ATP1B4: variants seen among roughly 807,000 people sequenced by gnomAD.
ATP1B4 encodes protein ATP1B4.
Under a neutral mutation model 29.6 loss-of-function variants are expected in ATP1B4, and 32 were observed. The observed-to-expected ratio is 1.08, with a 90% confidence interval of 0.82 to 1.45. ATP1B4 has a LOEUF of 1.45. Among genes scored for constraint, ATP1B4 ranks in the 40% most tolerant of loss-of-function variants. The probability of loss-of-function intolerance (pLI) is 0.00; values close to 1 mark genes in which losing one functional copy is unlikely to be tolerated. For synonymous variants in ATP1B4, 127 were observed against 102.1 expected (o/e 1.24, Z -1.47); for missense variants, 323 against 276.2 (o/e 1.17, Z -1.20).
intron 5 of ATP1B4, among the ~76,000 whole-genome samples, chrX:120,376,043 G>A (rs916545942): frequency 5.4e-5 from 6 of 111,622 alleles, no homozygotes; most frequent in Admixed American, 2.9e-4. Flanking sequence ...TCATAAAAAT[G>A]CATTTTTCTT....
intron 4 of ATP1B4, among the ~76,000 whole-genome samples, chrX:120,371,690 A>T (rs1405878874): frequency 9.0e-6 from 1 of 111,702 alleles, no homozygotes; most frequent in Non-Finnish European, 1.9e-5. Flanking sequence ...TTTATTTGAG[A>T]TGGAGTCTCA....
rs201696616 is a variant in ATP1B4 at position 120,375,563 on chromosome X, A to G, written c.754A>G (p.Asn252Asp). ...ACAGCCCTGCATCCTTCTAAAGATGAACCGGGTATATTGGCTTTTCATATC... is the reference window on the plus strand; with the variant it reads ...ACAGCCCTGCATCCTTCTAAAGATGGACCGGGTATATTGGCTTTTCATATC... ...TGQPCILLKM[N>D]RIVGFRPELG... is the part of the protein sequence containing the mutation. The change falls in exon 5 of 8, where the codon AAC (asparagine) becomes GAC (aspartate). Residue 252 changes from asparagine to aspartate, a missense_variant. Physicochemically the swap from Asn to Asp is conservative, Grantham distance 23 (BLOSUM62 1). Coordinates refer to ENST00000218008, the MANE Select transcript of ATP1B4 (RefSeq NM_001142447.3). The G allele has an allele frequency of 5.7e-5, 68 of 1,202,009 alleles. No individual in the cohort carries two copies. The highest frequency in any genetic ancestry group is 7.4e-5 in the Non-Finnish European group (66 of 891,169).
chrX:120,382,361 A>G lies in ATP1B4; in HGVS notation c.*2727A>G, dbSNP rs966446920. The G allele has an allele frequency of 8.9e-6, 1 of 112,317 alleles. No homozygotes were observed. The highest frequency in any genetic ancestry group is 3.2e-5 in the African/African-American group (1 of 30,903). 9.3% of individuals were successfully genotyped at this position (112,317 alleles called of 1,213,427 possible). A position where few individuals can be genotyped will look rare whatever the true frequency, so the allele number is the denominator to read the frequency against. ...CTCAACCCATTTTCTTAACAAATTC[A>G]ATTTTCAAAACTAACCTTTAAAAAG... On this transcript the variant is annotated 3_prime_UTR_variant, in exon 8 of 8. Transcript: ENST00000218008.
rs755058410 is a variant in ATP1B4, at chrX:120,377,632, C to T, written c.817-1046C>T. Among the ~76,000 whole-genome samples, 11 of 112,307 alleles carry T rather than the reference C, an allele frequency of 9.8e-5. No homozygotes were observed. The East Asian group carries it at 3.0e-3, about 31-fold the overall frequency. On this transcript the variant is annotated intron_variant, in intron 6 of 7. Transcript: ENST00000218008. ...CTAATGGAAGCTGTTTGTTTTTCAG[C>T]TTACATCAAACCTTGCTAAGAACTG...
chrX:120,381,542 C>G lies in ATP1B4; in HGVS notation c.*1908C>G, dbSNP rs1271179804. 9.1e-6 allele frequency: 1 copy of G among 110,027 alleles called. No homozygotes were observed. The highest frequency in any genetic ancestry group is 3.3e-5 in the African/African-American group (1 of 30,051). The allele number at this position is 110,027 out of a possible 1,213,427, so 9.1% of individuals were successfully genotyped here. On this transcript the variant is annotated 3_prime_UTR_variant, in exon 8 of 8. Transcript: ENST00000218008. ...CTCGGCTCACTGCAACCTCCACCTC[C>G]CGGATTCAAGTGATTCTCCAGCCTC...
chrX:120,376,289 C>T (rs3213723), intron 5 of ATP1B4, 91 bp from the exon 6 acceptor site: 1 of 860,004 alleles, frequency 1.2e-6, no homozygotes, highest in Non-Finnish European at 1.7e-6. Flanking sequence ...CCTGAGGAAG[C>T]ATGACTGGGA....
At chrX:120,368,776 C>T (rs948113068) in intron 2 of ATP1B4, among the ~76,000 whole-genome samples, 2 of 111,620 alleles carry the variant, frequency 1.8e-5, no homozygotes, top group African/African-American at 6.5e-5. Flanking sequence ...GTTGGGAGCA[C>T]GGTTACTTAG....
At chrX:120,378,928 A>G (rs1343230240) in intron 7 of ATP1B4, among the ~76,000 whole-genome samples, 155 bp downstream of exon 7, 1 of 110,850 alleles carries the variant, frequency 9.0e-6, no homozygotes, top group Non-Finnish European at 1.9e-5. Context: ...TTCTTATCAC[A>G]ACCACACTCC....
At chrX:120,374,746 G>C (rs1436732158) in intron 4 of ATP1B4, among the ~76,000 whole-genome samples, 1 of 25,370 alleles carries the variant, frequency 3.9e-5, no homozygotes, top group Non-Finnish European at 6.3e-5. Context: ...TATATATAAG[G>C]GTGTATATAT....
intron 4 of ATP1B4, among the ~76,000 whole-genome samples, chrX:120,374,845 G>GTA (rs1293869441): frequency 2.0e-5 from 1 of 50,062 alleles, no homozygotes; most frequent in Non-Finnish European, 3.7e-5. Flanking sequence ...ATATATAAGG[G>GTA]TATATATATA....
chrX:120,379,092 G>A (rs1374254886), intron 7 of ATP1B4, among the ~76,000 whole-genome samples: 2 of 111,558 alleles, frequency 1.8e-5, no homozygotes, highest in East Asian at 5.6e-4. Context: ...CTACCAATGT[G>A]CTTAAACATG....
intron 6 of ATP1B4, 96 bp downstream of exon 6, chrX:120,376,532 A>G (rs2058357145): frequency 2.6e-6 from 2 of 766,521 alleles, no homozygotes; most frequent in Non-Finnish European, 4.0e-6. Flanking sequence ...ATGGTAGGCT[A>G]AGGAAAAGGT....
rs778538331 is a variant in ATP1B4, at chrX:120,380,116, C to G, written c.*482C>G. 1.8e-5 allele frequency: 2 copies of G among 111,497 alleles called. No homozygotes were observed. Among genetic ancestry groups the G allele is most frequent in the Non-Finnish European group, 3.7e-5 (2 of 53,564 alleles). 9.2% of individuals were successfully genotyped at this position (111,497 alleles called of 1,213,427 possible). A position where few individuals can be genotyped will look rare whatever the true frequency, so the allele number is the denominator to read the frequency against. ...GTGGTGGCATGCATCTGTAGTCCCA[C>G]CTATTCAGGAGATTAAGGCAGGAGG... is the stretch of plus-strand genomic sequence containing the variant. On this transcript the variant is annotated 3_prime_UTR_variant, in exon 8 of 8. Transcript: ENST00000218008.
intron 5 of ATP1B4, 131 bp downstream of exon 5, chrX:120,375,699 T>C (rs1281400991): frequency 2.0e-5 from 10 of 510,802 alleles, no homozygotes; most frequent in South Asian, 1.3e-4. Context: ...GTATCATAAA[T>C]ACAAATAACC....
chrX:120,378,025 A>C (rs1407242573), intron 6 of ATP1B4, among the ~76,000 whole-genome samples: 1 of 111,079 alleles, frequency 9.0e-6, no homozygotes, highest in African/African-American at 3.3e-5. Context: ...ATGAGTGTAG[A>C]TCTGTTTACT....
intron 2 of ATP1B4, among the ~76,000 whole-genome samples, chrX:120,368,591 A>G (rs755941946): frequency 2.7e-5 from 3 of 112,107 alleles, no homozygotes; most frequent in African/African-American, 9.7e-5. Context: ...TAACTTGCCT[A>G]TAGTCATATA....
chrX:120,371,816 G>A (rs192499955), intron 4 of ATP1B4, among the ~76,000 whole-genome samples: 2 of 111,817 alleles, frequency 1.8e-5, no homozygotes, highest in African/African-American at 3.3e-5. Context: ...CTACATGTGC[G>A]TGCCACCACG....
In ATP1B4 at chrX:120,366,789, A is replaced by C; in HGVS notation, c.328A>C (p.Ser110Arg). The change falls in exon 2 of 8, where the codon AGC becomes CGC. Residue 110 changes from serine to arginine, a missense_variant and splice_region_variant. Physicochemically the swap from Ser to Arg is moderately radical, Grantham distance 110. Coordinates refer to ENST00000218008, the MANE Select transcript of ATP1B4 (RefSeq NM_001142447.3). The stretch of plus-strand genomic sequence containing the variant: ...TCTGGCCCGAACAGGTCAGAGTTGG[A>C]GTAAGTCCCAATAGTCCCAATGCCA... ...MFLARTGQSW[S>R]LILLIYFFFY... 8.3e-7 allele frequency: 1 copy of C among 1,206,317 alleles called. No homozygotes were observed. The highest frequency in any genetic ancestry group is 1.8e-5 in the South Asian group (1 of 56,471).
intron 2 of ATP1B4, among the ~76,000 whole-genome samples, chrX:120,367,201 G>C (rs1275049645): frequency 8.9e-6 from 1 of 112,105 alleles, no homozygotes; most frequent in Non-Finnish European, 1.9e-5. Flanking sequence ...TACAGGATCA[G>C]AGTGAGGCCC....
Sources: gnomAD v4.1 joint callset for allele counts (sites outside exome capture counted in the v4.1 genomes callset) on GRCh38, gnomAD v4.1.1 for gene constraint, MANE v1.5 for transcripts, NCBI Gene and HGNC (gene_info 2026-07-23, HGNC 2026-07-21) for gene names.